The following THBS4 variants were observed in gnomAD, a reference collection of about 807,000 sequenced individuals.
The protein encoded by THBS4 is thrombospondin 4.
A neutral mutation model predicts 115.7 loss-of-function variants in THBS4; 90 were observed. The observed-to-expected ratio is 0.78, with a 90% CI of 0.66 to 0.93. The LOEUF is 0.93. THBS4 is among the 40% of genes least tolerant of loss of function. The pLI, the probability that THBS4 is intolerant of heterozygous loss-of-function variation, is 0.00. For missense variants in THBS4, 1,087 were observed against 1,232.7 expected, an observed-to-expected ratio of 0.88 and a Z score of 1.77; for synonymous variants, 460 against 479.3, an observed-to-expected ratio of 0.96 and a Z score of 0.53.
At chr5:80,041,182 T>C (rs1832890032) in intron 2 of THBS4, among the ~76,000 whole-genome samples, 1 of 152,118 alleles carries the variant, frequency 6.6e-6, no homozygotes, top group African/African-American at 2.4e-5. Flanking sequence ...AAGGGCCCAG[T>C]TCCTGGATTG....
chr5:80,040,370 T>C (rs1832859887), intron 2 of THBS4, 90 bp downstream of exon 2: 1 of 1,029,996 alleles, frequency 9.7e-7, no homozygotes, highest in African/African-American at 1.6e-5. Context: ...GGTTTCCTTG[T>C]ACAATTATAT....
intron 2 of THBS4, among the ~76,000 whole-genome samples, chr5:80,022,531 C>T (rs1832398526): frequency 6.6e-6 from 1 of 152,160 alleles, no homozygotes; most frequent in African/African-American, 2.4e-5. Context: ...AAGCTTGTGG[C>T]CCTAAGGCAT....
At chr5:80,073,386 GTTTGT>G (rs759378154) in intron 15 of THBS4, 59 bp downstream of exon 15, 3 of 1,392,172 alleles carry the variant, frequency 2.2e-6, no homozygotes, top group African/African-American at 1.5e-5. Flanking sequence ...AGGGTTTTTG[GTTTGT>G]TTTTTTTTTT....
At chr5:80,021,256 A>G (rs924577702) in intron 2 of THBS4, among the ~76,000 whole-genome samples, 8 of 152,172 alleles carry the variant, frequency 5.3e-5, no homozygotes, top group African/African-American at 1.9e-4. Context: ...GTTTTTCTTC[A>G]TATACTTTAA....
At chr5:79,998,706 C>T (rs1831845219) in intron 2 of THBS4, among the ~76,000 whole-genome samples, 1 of 152,140 alleles carries the variant, frequency 6.6e-6, no homozygotes, top group Admixed American at 6.5e-5. Context: ...TGAGTCTATA[C>T]TTAATTGAAA....
intron 2 of THBS4, among the ~76,000 whole-genome samples, chr5:80,010,009 T>G (rs1832092541): frequency 6.6e-6 from 1 of 152,150 alleles, no homozygotes; most frequent in Admixed American, 6.5e-5. Flanking sequence ...TGGATGTGCC[T>G]GTAGTCCCAG....
chr5:80,073,398 T>C (rs1743008469), intron 15 of THBS4, 71 bp downstream of exon 15: 2 of 1,454,962 alleles, frequency 1.4e-6, no homozygotes, highest in East Asian at 4.6e-5. Context: ...TTGTTTTTTT[T>C]TTTGAGGCGG....
intron 14 of THBS4, among the ~76,000 whole-genome samples, chr5:80,073,043 T>C (rs1742976475): frequency 6.6e-6 from 1 of 152,158 alleles, no homozygotes; most frequent in African/African-American, 2.4e-5. Context: ...TCCAATCAGC[T>C]CATCTGGTGT....
Position 80,059,424 on chromosome 5 carries a change from C to G in THBS4, c.733-16C>G. The G allele has an allele frequency of 6.2e-7, 1 of 1,612,008 alleles. No homozygotes were observed. Among genetic ancestry groups the G allele is most frequent in the Non-Finnish European group, 8.5e-7 (1 of 1,179,088 alleles). On this transcript the variant is annotated splice_polypyrimidine_tract_variant and intron_variant, in intron 5 of 21. Coordinates refer to ENST00000350881, the MANE Select transcript of THBS4 (RefSeq NM_003248.6). ...CATTCCTTTTCAATCCTTTTTTCCC[C>G]TTCTCATTTTTAAAGGTTAAGGAAA...
chr5:80,002,725 T>C (rs1247072447), intron 2 of THBS4, among the ~76,000 whole-genome samples: 1 of 135,056 alleles, frequency 7.4e-6, no homozygotes, highest in Non-Finnish European at 1.5e-5. Context: ...ACTGGACAGC[T>C]GAGGAAACTC....
chr5:80,029,298 C>A (rs1167141264), intron 2 of THBS4, among the ~76,000 whole-genome samples: 1 of 152,192 alleles, frequency 6.6e-6, no homozygotes, highest in Non-Finnish European at 1.5e-5. Context: ...GCACGATAAT[C>A]ATTGTTATCA....
intron 3 of THBS4, among the ~76,000 whole-genome samples, chr5:80,057,527 A>G (rs1359041211): frequency 6.6e-6 from 1 of 152,236 alleles, no homozygotes; most frequent in Non-Finnish European, 1.5e-5. Context: ...GCTAAATCAA[A>G]AAGCAGAATT....
chr5:80,010,311 A>C (rs1486058429), intron 2 of THBS4, among the ~76,000 whole-genome samples: 1 of 152,226 alleles, frequency 6.6e-6, no homozygotes, highest in Admixed American at 6.5e-5. Context: ...GATCAAAAAA[A>C]TAGAGTGGCT....
At chr5:80,010,250 GACT>G (rs1454604744) in intron 2 of THBS4, among the ~76,000 whole-genome samples, 1 of 152,186 alleles carries the variant, frequency 6.6e-6, no homozygotes, top group Non-Finnish European at 1.5e-5. Flanking sequence ...GATTGGAGCA[GACT>G]ACACTTTCCC....
intron 1 of THBS4, among the ~76,000 whole-genome samples, chr5:79,995,291 A>G (rs1831769319): frequency 6.6e-6 from 1 of 152,234 alleles, no homozygotes; most frequent in Non-Finnish European, 1.5e-5. Context: ...TAAACCCATA[A>G]ACTATATTAA....
chr5:80,004,903 A>G (rs1366997460), intron 2 of THBS4, among the ~76,000 whole-genome samples: 2 of 151,836 alleles, frequency 1.3e-5, no homozygotes, highest in African/African-American at 2.4e-5. Flanking sequence ...ACACCCGGCT[A>G]ATTTTTGTAT....
intron 2 of THBS4, among the ~76,000 whole-genome samples, chr5:80,042,733 AG>A (rs1397049812): frequency 1.3e-5 from 2 of 152,324 alleles, no homozygotes; most frequent in East Asian, 3.9e-4. Flanking sequence ...TGGGAGGCTG[AG>A]GCAGGCAGAT....
intron 2 of THBS4, among the ~76,000 whole-genome samples, chr5:80,007,735 A>C (rs1832046438): frequency 6.6e-6 from 1 of 152,142 alleles, no homozygotes; most frequent in South Asian, 2.1e-4. Flanking sequence ...CTCAACCAAA[A>C]TGCCGGGCTT....
intron 20 of THBS4, among the ~76,000 whole-genome samples, chr5:80,081,101 G>C (rs1743484411): frequency 6.6e-6 from 1 of 152,154 alleles, no homozygotes; most frequent in African/African-American, 2.4e-5. Flanking sequence ...TGAACTTGCA[G>C]ATCAACACCC....
Sources: allele counts gnomAD v4.1 joint callset (sites outside exome capture counted in the v4.1 genomes callset), GRCh38; gene constraint gnomAD v4.1.1; transcripts MANE v1.5; gene names NCBI Gene and HGNC (gene_info 2026-07-23, HGNC 2026-07-21).